Variants in NFXL1 observed in about 807,000 individuals in gnomAD.
NFXL1 encodes the protein nuclear transcription factor, X-box binding like 1, also known as NF-X1-type zinc finger protein NFXL1.
Under a neutral mutation model 123.3 loss-of-function variants are expected in NFXL1, and 66 were observed. The ratio of observed to expected loss-of-function variants is 0.54; its 90% confidence interval spans 0.44 to 0.66. NFXL1 has a LOEUF of 0.66. Ranked by LOEUF, NFXL1 falls within the 30% of genes least tolerant of loss-of-function variation. NFXL1 has a pLI of 0.00. For synonymous variants in NFXL1, 346 were observed against 360.8 expected, an observed-to-expected ratio of 0.96 and a Z score of 0.46; for missense variants, 944 against 1,125.6, an observed-to-expected ratio of 0.84 and a Z score of 2.31.
At chr4:47,884,506 G>C (rs1168540047) in intron 14 of NFXL1, 69 bp from the exon 15 acceptor site, 13 of 952,378 alleles carry the variant, frequency 1.4e-5, no homozygotes, top group Non-Finnish European at 2.0e-5. Flanking sequence ...AAGAATCTAA[G>C]AAAATAGTTC....
rs1353208885 is a variant in NFXL1 at position 47,914,191 on chromosome 4, A to G, written c.13T>C (p.Trp5Arg). The G allele has an allele frequency of 1.3e-6, 2 of 1,517,266 alleles. No homozygotes were observed. Among genetic ancestry groups the G allele is most frequent in the Non-Finnish European group, 1.8e-6 (2 of 1,130,978 alleles). 94.0% of individuals were successfully genotyped at this position (1,517,266 alleles called of 1,614,324 possible). A position where few individuals can be genotyped will look rare whatever the true frequency, so the allele number is the denominator to read the frequency against. Residue 5 changes from tryptophan (W) to arginine (R), a missense_variant, in exon 2 of 23, where the codon TGG (tryptophan) becomes CGG (arginine). Physicochemically the swap from Trp to Arg is moderately radical, Grantham distance 101. Around this residue, in one of 4 missense-constraint regions of NFXL1, gnomAD observed 303 missense variants for 292.1 expected, o/e 1.04. Coordinates refer to ENST00000507489, the MANE Select transcript of NFXL1 (RefSeq NM_001278624.2). MEAS[W>R]RQVAGGRGRS... ...CCTCGGCCACCGGCCACCTGGCGCC[A>G]GGAAGCTTCCATCCCTGCAAAGGAG... is the stretch of plus-strand genomic sequence containing the variant.
At chr4:47,857,427 T>C (rs1258290240) in intron 19 of NFXL1, among the ~76,000 whole-genome samples, 9 of 152,204 alleles carry the variant, frequency 5.9e-5, no homozygotes, top group Admixed American at 5.9e-4. Context: ...ATGGCTATAG[T>C]GTCGCCTTTC....
chr4:47,875,748 G>A (rs1164423822), intron 17 of NFXL1, among the ~76,000 whole-genome samples: 7 of 152,018 alleles, frequency 4.6e-5, no homozygotes, highest in African/African-American at 1.5e-4. Context: ...ACAGTCTGGA[G>A]GTAATTATCT....
At chr4:47,875,102 A>G (rs1264746037) in intron 18 of NFXL1, 25 bp downstream of exon 18, 1 of 1,499,298 alleles carries the variant, frequency 6.7e-7, no homozygotes, top group Middle Eastern at 1.7e-4. Context: ...GTAATAAAAT[A>G]AGACTTTTTT....
At position 47,905,337 on chromosome 4, in the gene NFXL1, G is replaced by A; in HGVS notation, c.416C>T (p.Thr139Ile). 1 of 1,542,538 alleles carries A rather than the reference G, an allele frequency of 6.5e-7. No homozygotes were observed. The highest frequency in any genetic ancestry group is 8.9e-7 in the Non-Finnish European group (1 of 1,118,840). The change falls in exon 4 of 23, where the codon ACA becomes ATA. Residue 139 changes from threonine (T) to isoleucine (I), a missense_variant. Coordinates refer to ENST00000507489, the MANE Select transcript of NFXL1 (RefSeq NM_001278624.2). The stretch of plus-strand genomic sequence containing the variant: ...TTGTTTTGTTCGCTCTAATTCACGT[G>A]TATCTCCATCTGGAAATTTAAAGAT... ...ITYTTQTDGD[T>I]RELERTKQYV...
intron 4 of NFXL1, 48 bp from the exon 5 acceptor site, chr4:47,903,371 A>C: frequency 7.7e-7 from 1 of 1,304,444 alleles, no homozygotes; most frequent in Non-Finnish European, 1.0e-6. Flanking sequence ...TTTCTTTGTT[A>C]ATTGTAAAAT....
rs1404778355 is a variant in NFXL1 at position 47,898,024 on chromosome 4, C to G, written c.1147G>C (p.Gly383Arg). ...NHTCEQVCHV[G>R]ACGECPRSGK... is the part of the protein sequence containing the mutation. ...GATCGAGGACATTCTCCACAAGCAC[C>G]AACATGGCAAACTTGCTCACATGTG... The change falls in exon 9 of 23, where the codon GGT becomes CGT. Residue 383 changes from glycine (G) to arginine (R), a missense_variant. This residue lies in a region of NFXL1 where 296 missense variants were observed against 395.1 expected (regional missense o/e 0.75). Coordinates refer to ENST00000507489, the MANE Select transcript of NFXL1 (RefSeq NM_001278624.2). 4.3e-6 allele frequency: 7 copies of G among 1,612,498 alleles called. No individual in the cohort carries two copies. The highest frequency in any genetic ancestry group is 5.9e-6 in the Non-Finnish European group (7 of 1,179,518).
intron 12 of NFXL1, among the ~76,000 whole-genome samples, chr4:47,887,173 T>C (rs1025842429): frequency 6.0e-4 from 92 of 152,220 alleles, no homozygotes; most frequent in African/African-American, 1.8e-3. Context: ...TCTTAAGGGC[T>C]TTCTTCCACT....
rs759318211 is a variant in NFXL1, at chr4:47,848,311, C to A, written c.2588G>T (p.Arg863Ile). 6.2e-7 allele frequency: 1 copy of A among 1,611,874 alleles called. No homozygotes were observed. The highest frequency in any genetic ancestry group is 2.2e-5 in the East Asian group (1 of 44,826). ...GTTCTTCTTCCGACGACCCTTCAGT[C>A]TGTTTTCAAAAGCTTCTAGTTCAGC... ...QQAELEAFEN[R>I]LKGRRKKNRK... The change falls in exon 23 of 23, where the codon AGA becomes ATA. Residue 863 changes from arginine to isoleucine, a missense_variant. Around this residue, in one of 4 missense-constraint regions of NFXL1, gnomAD observed 301 missense variants for 348.0 expected, o/e 0.86. Coordinates refer to ENST00000507489, the MANE Select transcript of NFXL1 (RefSeq NM_001278624.2).
intron 3 of NFXL1, among the ~76,000 whole-genome samples, chr4:47,910,314 G>A (rs985163506): frequency 1.1e-4 from 17 of 152,096 alleles, no homozygotes; most frequent in African/African-American, 2.9e-4. Context: ...GTACCACTGC[G>A]CTCCAGCCTG....
At chr4:47,859,841 C>CAAAAAAAAAAAAAAAAAAAAAAAAA (rs938207203) in intron 19 of NFXL1, among the ~76,000 whole-genome samples, 3 of 14,312 alleles carry the variant, frequency 2.1e-4, no homozygotes, top group African/African-American at 2.5e-4. Context: ...GACTCCATCT[C>CAAAAAAAAAAAAAAAAAAAAAAAAA]AAAAAAAAAA....
chr4:47,904,907 C>CAAACCCGAT (rs59009335), intron 4 of NFXL1, among the ~76,000 whole-genome samples: 1 of 151,220 alleles, frequency 6.6e-6, no homozygotes, highest in Non-Finnish European at 1.5e-5. Flanking sequence ...TATCTTTTTC[C>CAAACCCGAT]AAAAGTAATA....
At chr4:47,854,844 C>T (rs1233757652) in intron 20 of NFXL1, among the ~76,000 whole-genome samples, 1 of 150,704 alleles carries the variant, frequency 6.6e-6, no homozygotes, top group Non-Finnish European at 1.5e-5. Flanking sequence ...AAAATTAAAT[C>T]GCCAAAGCTT....
chr4:47,906,098 C>T (rs1347071055), intron 3 of NFXL1, among the ~76,000 whole-genome samples: 1 of 152,158 alleles, frequency 6.6e-6, no homozygotes, highest in Non-Finnish European at 1.5e-5. Flanking sequence ...CTATGCTGCA[C>T]TGCAGTGAGC....
Position 47,899,020 on chromosome 4 carries a change from C to T in NFXL1, c.927G>A (p.Gln309=). 6.2e-7 allele frequency: 1 copy of T among 1,613,662 alleles called. No homozygotes were observed. The highest frequency in any genetic ancestry group is 8.5e-7 in the Non-Finnish European group (1 of 1,179,966). ...AAAGCAACTTCTGTCCACATGGCAG[C>T]TGACAAGACCATTCCTTGGCACTGC... The part of the protein sequence containing the change: ...RRCSAKEWSC[Q]LPCGQKLLCG... The change falls in exon 7 of 23, where the codon CAG becomes CAA. Residue 309 remains glutamine, a synonymous_variant. Transcript: ENST00000507489.
chr4:47,867,963 A>G (rs1735198102), intron 18 of NFXL1, among the ~76,000 whole-genome samples: 1 of 152,234 alleles, frequency 6.6e-6, no homozygotes. Flanking sequence ...CATTCAACCA[A>G]GAGAAGATTG....
chr4:47,879,681 G>T (rs1735968747), intron 15 of NFXL1, among the ~76,000 whole-genome samples: 1 of 152,108 alleles, frequency 6.6e-6, no homozygotes, highest in African/African-American at 2.4e-5. Flanking sequence ...TTACTATAAA[G>T]CTACAGTGAT....
At chr4:47,885,379 G>A (rs1241287340) in intron 14 of NFXL1, 119 bp downstream of exon 14, 2 of 804,826 alleles carry the variant, frequency 2.5e-6, no homozygotes, top group Non-Finnish European at 4.0e-6. Context: ...CTTGTACCCT[G>A]CTCCAAGCAC....
chr4:47,872,236 G>A (rs1355374385), intron 18 of NFXL1, among the ~76,000 whole-genome samples: 3 of 152,150 alleles, frequency 2.0e-5, no homozygotes. Flanking sequence ...GGCCAAGGTG[G>A]GTGGATCACG....
Sources: allele counts gnomAD v4.1 joint callset (sites outside exome capture counted in the v4.1 genomes callset), GRCh38; gene constraint gnomAD v4.1.1; regional missense constraint gnomAD v4.1.1; transcripts MANE v1.5; gene names NCBI Gene and HGNC (gene_info 2026-07-23, HGNC 2026-07-21).